Variants in MIER2 observed in about 807,000 individuals in gnomAD.
The protein encoded by MIER2 is MIER family member 2, also known as mesoderm induction early response protein 2.
In MIER2, 30 loss-of-function variants were observed where a neutral mutation model predicts 67.6. The ratio of observed to expected loss-of-function variants is 0.44; its 90% CI spans 0.33 to 0.60. MIER2 has a LOEUF of 0.60. MIER2 is among the 20% of genes least tolerant of loss of function. The pLI, the probability that MIER2 is intolerant of heterozygous loss-of-function variation, is 0.02. For synonymous variants in MIER2, 372 were observed against 312.6 expected (o/e 1.19, Z -2.00); for missense variants, 702 against 745.1 (o/e 0.94, Z 0.67).
intron 3 of MIER2, among the ~76,000 whole-genome samples, chr19:333,868 A>G (rs1278710924): frequency 6.6e-6 from 1 of 151,644 alleles, no homozygotes; most frequent in African/African-American, 2.4e-5. Flanking sequence ...TTGTTTTTGT[A>G]TTTTTAGTAG....
intron 3 of MIER2, among the ~76,000 whole-genome samples, 190 bp from the exon 4 acceptor site, chr19:328,179 C>T (rs1041459378): frequency 6.6e-6 from 1 of 152,098 alleles, no homozygotes; most frequent in African/African-American, 2.4e-5. Context: ...CCTTTACAAT[C>T]CCTCAGAGGC....
chr19:339,079 C>CA (rs572597641), intron 1 of MIER2, among the ~76,000 whole-genome samples: 21,204 of 74,288 alleles, frequency 0.29, 2,779 homozygotes, highest in African/African-American at 0.47. Flanking sequence ...CACAAGTGAC[C>CA]AAAAAAAAAA....
Position 306,306 on chromosome 19 carries a change from C to G in MIER2, c.*384G>C. ...CTGGTGCGGGGCAGGGCGTCCTGCCCGTCTCCCCGCCGGGGCAGTGACGCC... is the reference window on the plus strand; with the variant it reads ...CTGGTGCGGGGCAGGGCGTCCTGCCGGTCTCCCCGCCGGGGCAGTGACGCC... On this transcript the variant is annotated 3_prime_UTR_variant, in exon 14 of 14. Transcript: ENST00000264819. The G allele has an allele frequency of 3.6e-6, 1 of 279,448 alleles. No homozygotes were observed. Among genetic ancestry groups the G allele is most frequent in the Non-Finnish European group, 6.7e-6 (1 of 148,566 alleles). The allele number at this position is 279,448 out of a possible 1,614,324, so 17.3% of individuals were successfully genotyped here. A position where few individuals can be genotyped will look rare whatever the true frequency, so the allele number is the denominator to read the frequency against.
chr19:341,549 G>C (rs557249028), intron 1 of MIER2, among the ~76,000 whole-genome samples: 129 of 152,226 alleles, frequency 8.5e-4, no homozygotes, highest in African/African-American at 3.0e-3. Flanking sequence ...ACGGAATACA[G>C]ACTTCATGGA....
At chr19:342,060 G>A (rs1262774563) in intron 1 of MIER2, among the ~76,000 whole-genome samples, 1 of 152,088 alleles carries the variant, frequency 6.6e-6, no homozygotes, top group Non-Finnish European at 1.5e-5. Flanking sequence ...CATGCCCCAA[G>A]CCCTCTCCCC....
intron 1 of MIER2, among the ~76,000 whole-genome samples, chr19:337,539 A>C (rs963797286): frequency 6.6e-6 from 1 of 152,196 alleles, no homozygotes; most frequent in African/African-American, 2.4e-5. Flanking sequence ...TGGATGGTGT[A>C]GTCAGCGTAA....
At chr19:316,575 C>G (rs927089406) in intron 7 of MIER2, among the ~76,000 whole-genome samples, 1 of 152,192 alleles carries the variant, frequency 6.6e-6, no homozygotes, top group Non-Finnish European at 1.5e-5. Flanking sequence ...TAGGCATGAG[C>G]CACCACAGCC....
intron 1 of MIER2, among the ~76,000 whole-genome samples, chr19:338,844 T>C (rs928031853): frequency 1.3e-5 from 2 of 152,178 alleles, no homozygotes; most frequent in African/African-American, 4.8e-5. Context: ...GACAGTTGAA[T>C]ATCCATGTGC....
intron 7 of MIER2, among the ~76,000 whole-genome samples, chr19:325,309 T>G (rs117979700): frequency 0.016 from 2,487 of 152,194 alleles, 30 homozygotes; most frequent in Non-Finnish European, 0.026. Flanking sequence ...CACAGAGCCA[T>G]CGAATGCAGC....
intron 7 of MIER2, among the ~76,000 whole-genome samples, chr19:319,726 G>C (rs1251797226): frequency 6.6e-6 from 1 of 152,050 alleles, no homozygotes; most frequent in Admixed American, 6.6e-5. Context: ...CAAAGTGCTG[G>C]GATTAAAGGC....
At chr19:316,900 C>T (rs1260640619) in intron 7 of MIER2, among the ~76,000 whole-genome samples, 6 of 148,928 alleles carry the variant, frequency 4.0e-5, no homozygotes, top group Non-Finnish European at 6.0e-5. Flanking sequence ...GCCCAGGAGG[C>T]GGAGGTTGCA....
At chr19:329,343 T>C (rs991335861) in intron 3 of MIER2, among the ~76,000 whole-genome samples, 2 of 152,166 alleles carry the variant, frequency 1.3e-5, no homozygotes, top group Non-Finnish European at 2.9e-5. Flanking sequence ...GGTGGGAAGG[T>C]TGACACAGTG....
At chr19:309,952 AG>A (rs1970872253) in intron 10 of MIER2, among the ~76,000 whole-genome samples, 1 of 83,732 alleles carries the variant, frequency 1.2e-5, no homozygotes, top group African/African-American at 6.6e-5. Context: ...AGACGAGAAG[AG>A]ACACACACAC....
chr19:339,722 C>T (rs1170853175), intron 1 of MIER2, among the ~76,000 whole-genome samples: 1 of 151,868 alleles, frequency 6.6e-6, no homozygotes, highest in Non-Finnish European at 1.5e-5. Flanking sequence ...CACAAAAGGC[C>T]ACGTGTCGTA....
Position 311,954 on chromosome 19 carries a change from G to C in MIER2, c.890-15C>G. The C allele has an allele frequency of 4.3e-6, 7 of 1,612,110 alleles. No homozygotes were observed. The highest frequency in any genetic ancestry group is 5.1e-6 in the Non-Finnish European group (6 of 1,178,612). ...ACAGAGCCCATCTGCAAACACGGCC[G>C]GGGAGAACGGTCAGTGGTGCCCAGG... On this transcript the variant is annotated splice_polypyrimidine_tract_variant and intron_variant, in intron 9 of 13. Coordinates refer to ENST00000264819, the MANE Select transcript of MIER2 (RefSeq NM_017550.3).
At chr19:334,318 G>A in intron 3 of MIER2, 82 bp downstream of exon 3, 1 of 1,571,102 alleles carries the variant, frequency 6.4e-7, no homozygotes, top group Non-Finnish European at 8.6e-7. Context: ...TACCAATGTG[G>A]AATCTGAGCT....
chr19:339,243 C>T (rs756665523), intron 1 of MIER2, among the ~76,000 whole-genome samples: 17 of 151,960 alleles, frequency 1.1e-4, no homozygotes, highest in Non-Finnish European at 1.9e-4. Flanking sequence ...GTATAAAGAA[C>T]GTTTAAAACT....
intron 5 of MIER2, 146 bp from the exon 6 acceptor site, chr19:326,744 G>T: frequency 4.6e-6 from 3 of 658,818 alleles, no homozygotes; most frequent in Middle Eastern, 4.1e-4. Flanking sequence ...GATGGGCACA[G>T]GACCCAGGAC....
intron 10 of MIER2, among the ~76,000 whole-genome samples, chr19:310,938 C>T (rs12104344): frequency 6.6e-6 from 1 of 152,212 alleles, no homozygotes; most frequent in Non-Finnish European, 1.5e-5. Context: ...CACCTCGCCC[C>T]GCTGTCTCCA....
Sources: allele counts gnomAD v4.1 joint callset (sites outside exome capture counted in the v4.1 genomes callset), GRCh38; gene constraint gnomAD v4.1.1; transcripts MANE v1.5; gene names NCBI Gene and HGNC (gene_info 2026-07-23, HGNC 2026-07-21).